CSMD1: variants seen among roughly 807,000 people sequenced by gnomAD.
The protein encoded by CSMD1 is CUB and sushi domain-containing protein 1.
CSMD1 carries 213 observed loss-of-function variants against 417.5 expected under a neutral mutation model. The observed-to-expected ratio is 0.51, with a 90% CI of 0.46 to 0.57. CSMD1 has a LOEUF of 0.57. Ranked by LOEUF, CSMD1 falls within the 20% of genes least tolerant of loss-of-function variation. The probability of loss-of-function intolerance (pLI) is 0.00; values close to 1 mark genes in which losing one functional copy is unlikely to be tolerated. For synonymous variants in CSMD1, 2,862 were observed against 1,736.8 expected, an observed-to-expected ratio of 1.65 and a Z score of -16.11; for missense variants, 6,923 against 4,529.7, an observed-to-expected ratio of 1.53 and a Z score of -15.17.
At chr8:4,874,935 T>C (rs1802956755) in intron 1 of CSMD1, among the ~76,000 whole-genome samples, 1 of 151,138 alleles carries the variant, frequency 6.6e-6, no homozygotes, top group Non-Finnish European at 1.5e-5. Flanking sequence ...ACAAGCTTTA[T>C]TTTTCATTTC....
At chr8:4,304,963 A>G (rs767231573) in intron 3 of CSMD1, among the ~76,000 whole-genome samples, 1 of 152,160 alleles carries the variant, frequency 6.6e-6, no homozygotes, top group African/African-American at 2.4e-5. Flanking sequence ...TATTTGCTAC[A>G]CTAACGTCTG....
At chr8:3,818,817 G>A (rs1469249267) in intron 5 of CSMD1, among the ~76,000 whole-genome samples, 2 of 152,100 alleles carry the variant, frequency 1.3e-5, no homozygotes, top group South Asian at 2.1e-4. Context: ...CCTTTGAGTC[G>A]CTGTTTAACT....
chr8:4,489,291 G>C (rs934988433), intron 2 of CSMD1, among the ~76,000 whole-genome samples: 2 of 152,090 alleles, frequency 1.3e-5, no homozygotes, highest in Non-Finnish European at 2.9e-5. Context: ...AGAAAGTTCT[G>C]GGAAAATGTC....
chr8:3,834,984 C>G (rs1343425591), intron 5 of CSMD1, among the ~76,000 whole-genome samples: 1 of 152,050 alleles, frequency 6.6e-6, no homozygotes, highest in Non-Finnish European at 1.5e-5. Flanking sequence ...TCATCACTGG[C>G]CATCAGAGAA....
At chr8:4,103,079 T>C (rs776362052) in intron 3 of CSMD1, among the ~76,000 whole-genome samples, 4 of 152,192 alleles carry the variant, frequency 2.6e-5, no homozygotes, top group Non-Finnish European at 4.4e-5. Flanking sequence ...CCCTTGGTTT[T>C]GAGCTCCAGA....
At chr8:4,588,349 A>G (rs1447872562) in intron 2 of CSMD1, among the ~76,000 whole-genome samples, 2 of 145,180 alleles carry the variant, frequency 1.4e-5, no homozygotes, top group Non-Finnish European at 3.1e-5. Context: ...TATAGAGAGC[A>G]CACACTGGCT....
chr8:3,769,078 G>C (rs1020954460), intron 5 of CSMD1, among the ~76,000 whole-genome samples: 4 of 152,248 alleles, frequency 2.6e-5, no homozygotes, highest in Admixed American at 6.5e-5. Flanking sequence ...GGAAAAGTCA[G>C]AGTTGAGCAA....
intron 1 of CSMD1, among the ~76,000 whole-genome samples, chr8:4,894,747 A>G (rs1804367102): frequency 6.6e-6 from 1 of 151,368 alleles, no homozygotes; most frequent in Non-Finnish European, 1.5e-5. Flanking sequence ...AGGGGGACCA[A>G]GTGTGTTTGT....
At chr8:4,789,444 T>A (rs905724671) in intron 1 of CSMD1, among the ~76,000 whole-genome samples, 3 of 152,042 alleles carry the variant, frequency 2.0e-5, no homozygotes, top group African/African-American at 7.2e-5. Context: ...ATCCCCAGAG[T>A]TTACAAAATA....
At chr8:3,865,801 T>C (rs1805055602) in intron 5 of CSMD1, among the ~76,000 whole-genome samples, 1 of 152,186 alleles carries the variant, frequency 6.6e-6, no homozygotes, top group Non-Finnish European at 1.5e-5. Flanking sequence ...AGTGCCTCTT[T>C]TTTTGGTATA....
chr8:3,738,384 T>C (rs1042742765), intron 6 of CSMD1, among the ~76,000 whole-genome samples: 1 of 152,246 alleles, frequency 6.6e-6, no homozygotes, highest in African/African-American at 2.4e-5. Flanking sequence ...CAATTGTACA[T>C]TCTTCTCATA....
At chr8:4,268,248 G>T (rs1015441112) in intron 3 of CSMD1, among the ~76,000 whole-genome samples, 1 of 152,054 alleles carries the variant, frequency 6.6e-6, no homozygotes. Flanking sequence ...GCAAAAGATG[G>T]CATTCAAATA....
chr8:3,499,792 G>C (rs1182909988), intron 10 of CSMD1, among the ~76,000 whole-genome samples: 1 of 152,044 alleles, frequency 6.6e-6, no homozygotes, highest in Non-Finnish European at 1.5e-5. Context: ...TGGGATGATG[G>C]CTGCGTTCTC....
intron 1 of CSMD1, among the ~76,000 whole-genome samples, chr8:4,956,897 AG>A (rs1383910748): frequency 6.6e-6 from 1 of 152,164 alleles, no homozygotes; most frequent in Non-Finnish European, 1.5e-5. Context: ...ATCCCCAACC[AG>A]GCGCTCTCAT....
At chr8:4,730,230 A>G (rs1809753812) in intron 1 of CSMD1, among the ~76,000 whole-genome samples, 1 of 151,874 alleles carries the variant, frequency 6.6e-6, no homozygotes, top group South Asian at 2.1e-4. Flanking sequence ...AAACAAAACA[A>G]AACAAAACAT....
chr8:4,790,578 G>A (rs977251426), intron 1 of CSMD1, among the ~76,000 whole-genome samples: 1 of 152,114 alleles, frequency 6.6e-6, no homozygotes, highest in Non-Finnish European at 1.5e-5. Context: ...CCGACTTTAA[G>A]CTATACAACC....
At chr8:3,907,774 C>G (rs1452244167) in intron 5 of CSMD1, among the ~76,000 whole-genome samples, 3 of 152,156 alleles carry the variant, frequency 2.0e-5, no homozygotes, top group Non-Finnish European at 4.4e-5. Flanking sequence ...CAGACTGACT[C>G]TTAGAATCAC....
chr8:3,655,134 C>T (rs377521867), intron 7 of CSMD1, among the ~76,000 whole-genome samples: 1 of 152,162 alleles, frequency 6.6e-6, no homozygotes, highest in Non-Finnish European at 1.5e-5. Flanking sequence ...CAAGCTTTAG[C>T]TATAGAGCTA....
intron 5 of CSMD1, among the ~76,000 whole-genome samples, chr8:3,776,542 A>C (rs1798893498): frequency 1.3e-5 from 2 of 152,128 alleles, no homozygotes. Flanking sequence ...TGCCCTCTGC[A>C]TAGAATGCCA....
Sources: allele counts gnomAD v4.1 joint callset (sites outside exome capture counted in the v4.1 genomes callset), GRCh38; gene constraint gnomAD v4.1.1; transcripts MANE v1.5; gene names NCBI Gene and HGNC (gene_info 2026-07-23, HGNC 2026-07-21).